The following ZBTB11 variants were observed in gnomAD, a reference collection of about 807,000 sequenced individuals.
ZBTB11 encodes zinc finger and BTB domain-containing protein 11.
ZBTB11 carries 68 observed loss-of-function variants against 113.1 expected under a neutral mutation model. That is an observed-to-expected ratio of 0.60 (90% CI 0.49 to 0.74). The LOEUF is 0.74. Among genes scored for constraint, ZBTB11 ranks in the 30% least tolerant of loss-of-function variants. The pLI is 0.00. For missense variants in ZBTB11, 1,104 were observed against 1,279.4 expected (o/e 0.86, Z 2.09); for synonymous variants, 518 against 452.6 (o/e 1.14, Z -1.83).
chr3:101,666,237 A>C (rs1411517627), intron 3 of ZBTB11, among the ~76,000 whole-genome samples: 1 of 152,246 alleles, frequency 6.6e-6, no homozygotes, highest in Admixed American at 6.5e-5. Flanking sequence ...ATAGTGGTAC[A>C]TATAAAAATG....
rs761931578 is a variant in ZBTB11, at chr3:101,676,624, G to A, written c.291C>T (p.Ser97=). ...HTRHQTWHYL[S]KTYWWRGILK... ...TCTCACCTCGCCACCAGTACGTCTT[G>A]GACAAGTAGTGCCAGGTCTGATGCC... is the stretch of plus-strand genomic sequence containing the variant. The change falls in exon 1 of 11, where the codon TCC becomes TCT. Residue 97 remains serine (S), a synonymous_variant. Coordinates refer to ENST00000312938, the MANE Select transcript of ZBTB11 (RefSeq NM_014415.4). The A allele has an allele frequency of 3.9e-6, 6 of 1,531,188 alleles. No individual in the cohort carries two copies. Among genetic ancestry groups the A allele is most frequent in the Non-Finnish European group, 5.3e-6 (6 of 1,137,470 alleles). 94.9% of individuals were successfully genotyped at this position (1,531,188 alleles called of 1,614,324 possible).
chr3:101,663,936 T>TACTCTTCCCTGTTTTGAGTACAGTAC (rs546943976), intron 5 of ZBTB11, among the ~76,000 whole-genome samples: 1 of 152,162 alleles, frequency 6.6e-6, no homozygotes, highest in Non-Finnish European at 1.5e-5. Context: ...AGTAAGCTTT[T>TACTCTTCCCTGTTTTGAGTACAGTAC]ACTCTTCCCT....
chr3:101,663,588 C>T (rs1936929287), intron 5 of ZBTB11, among the ~76,000 whole-genome samples: 1 of 151,986 alleles, frequency 6.6e-6, no homozygotes, highest in Non-Finnish European at 1.5e-5. Flanking sequence ...TATCCTGGGA[C>T]TTGAGTAAAG....
Position 101,676,687 on chromosome 3 carries a change from C to T in ZBTB11, c.228G>A (p.Glu76=). ...TGCCGCCGGGACCCAGGTGCGCCGC[C>T]TCGATGAGGTCCCGGCGTCGCTCCG... ...LQPERRRDLI[E]AAHLGPGGTH... The change falls in exon 1 of 11, where the codon GAG becomes GAA. Residue 76 remains glutamate, a synonymous_variant. Coordinates refer to ENST00000312938, the MANE Select transcript of ZBTB11 (RefSeq NM_014415.4). 1 of 1,598,536 alleles carries T rather than the reference C, an allele frequency of 6.3e-7. No homozygotes were observed. Among genetic ancestry groups the T allele is most frequent in the Non-Finnish European group, 8.5e-7 (1 of 1,171,918 alleles).
rs775368584 is a variant in ZBTB11, at chr3:101,671,089, G to A, written c.778+41C>T. On this transcript the variant is annotated intron_variant, in intron 3 of 10. Transcript: ENST00000312938. ...CATACATATCCCCCTCTTCTAGAAT[G>A]TCATTACAAACAAAAAGCAAGAGTA... 18 of 1,536,688 alleles carry A rather than the reference G, an allele frequency of 1.2e-5. No homozygotes were observed. In the East Asian group the frequency reaches 4.1e-4, roughly 35 times the overall value.
intron 10 of ZBTB11, 145 bp downstream of exon 10, chr3:101,652,351 C>T (rs1005127271): frequency 2.8e-6 from 2 of 723,570 alleles, no homozygotes; most frequent in Non-Finnish European, 2.2e-6. Context: ...TAATTAGGTA[C>T]TCAGGTTCAG....
At chr3:101,655,292 T>A (rs1292128121) in intron 7 of ZBTB11, among the ~76,000 whole-genome samples, 1 of 152,226 alleles carries the variant, frequency 6.6e-6, no homozygotes, top group Non-Finnish European at 1.5e-5. Context: ...AAAATCCCCA[T>A]TTCCTGTCAA....
At chr3:101,673,783 G>A (rs1274142613) in intron 1 of ZBTB11, among the ~76,000 whole-genome samples, 1 of 152,184 alleles carries the variant, frequency 6.6e-6, no homozygotes, top group Non-Finnish European at 1.5e-5. Context: ...CCAAAGTGCT[G>A]GGATGACGGG....
chr3:101,668,250 A>T (rs945613270), intron 3 of ZBTB11, among the ~76,000 whole-genome samples: 1 of 152,158 alleles, frequency 6.6e-6, no homozygotes, highest in Non-Finnish European at 1.5e-5. Context: ...ATAGATACAA[A>T]ATTACAGCTA....
At position 101,676,870 on chromosome 3, in the gene ZBTB11, C is replaced by T. The variant is rs751253858; in HGVS notation, c.45G>A (p.Thr15=). 9 of 1,606,926 alleles carry T rather than the reference C, an allele frequency of 5.6e-6. No homozygotes were observed. In the South Asian group the frequency reaches 8.8e-5, roughly 16 times the overall value. ...ESYRAILRYL[T]NEREPYAPGT... ...CCGGCGCATACGGCTCGCGCTCGTT[C>T]GTCAGGTAACGCAGGATGGCCCGGT... is the stretch of plus-strand genomic sequence containing the variant. The change falls in exon 1 of 11, where the codon ACG becomes ACA. Residue 15 remains threonine, a synonymous_variant. Coordinates refer to ENST00000312938, the MANE Select transcript of ZBTB11 (RefSeq NM_014415.4).
At position 101,664,667 on chromosome 3, in the gene ZBTB11, T is replaced by A; in HGVS notation, c.1671A>T (p.Lys557Asn). 1 of 1,611,136 alleles carries A rather than the reference T, an allele frequency of 6.2e-7. No homozygotes were observed. The change falls in exon 5 of 11, where the codon AAA becomes AAT. Residue 557 changes from lysine (K) to asparagine (N), a missense_variant. Lys to Asn is a moderately conservative substitution (Grantham distance 94, BLOSUM62 0). Around this residue, in one of 5 missense-constraint regions of ZBTB11, gnomAD observed 535 missense variants for 518.6 expected, o/e 1.03. Coordinates refer to ENST00000312938, the MANE Select transcript of ZBTB11 (RefSeq NM_014415.4). ...VQRGKKMKQP[K>N]RDAKENTEEA... ...CTTCTGTGTTCTCTTTAGCATCTCTTTTTGGCTGTTTCATCTTTTTTCCTC... is the reference window on the plus strand; with the variant it reads ...CTTCTGTGTTCTCTTTAGCATCTCTATTTGGCTGTTTCATCTTTTTTCCTC...
chr3:101,656,828 C>G (rs1304231099), intron 6 of ZBTB11, among the ~76,000 whole-genome samples: 1 of 152,062 alleles, frequency 6.6e-6, no homozygotes, highest in African/African-American at 2.4e-5. Context: ...AGAGGCCCAA[C>G]TAATACTTGG....
At chr3:101,658,794 G>C (rs916240781) in intron 6 of ZBTB11, among the ~76,000 whole-genome samples, 1 of 152,150 alleles carries the variant, frequency 6.6e-6, no homozygotes, top group African/African-American at 2.4e-5. Flanking sequence ...CCTGGGTATA[G>C]TGTATACTGC....
Position 101,660,032 on chromosome 3 carries a change from A to G in ZBTB11, c.1801-4T>C, listed in dbSNP as rs370020067. 9.3e-6 allele frequency: 15 copies of G among 1,605,626 alleles called. No individual in the cohort carries two copies. The highest frequency in any genetic ancestry group is 1.3e-5 in the Non-Finnish European group (15 of 1,174,248). On this transcript the variant is annotated splice_region_variant and splice_polypyrimidine_tract_variant and intron_variant, in intron 5 of 10. Coordinates refer to ENST00000312938, the MANE Select transcript of ZBTB11 (RefSeq NM_014415.4). ...ACTGAAACTGTTTTTTACACAACTA[A>G]AAGAAAAATAAAATTCTCTCTAAAT...
At chr3:101,672,727 C>G (rs1054895632) in intron 1 of ZBTB11, among the ~76,000 whole-genome samples, 108 of 152,278 alleles carry the variant, frequency 7.1e-4, no homozygotes, top group Non-Finnish European at 4.0e-4. Context: ...AAAACAAAAC[C>G]AAACAAATTA....
At chr3:101,670,857 T>C in intron 3 of ZBTB11, 1 of 363,214 alleles carries the variant, frequency 2.8e-6, no homozygotes, top group Non-Finnish European at 5.0e-6. Flanking sequence ...CACTTATGGA[T>C]TTCACTCAAA....
Position 101,652,614 on chromosome 3 carries a change from C to A in ZBTB11, c.2526G>T (p.Lys842Asn), listed in dbSNP as rs369485048. 3 of 1,614,016 alleles carry A rather than the reference C, an allele frequency of 1.9e-6. No homozygotes were observed. Among genetic ancestry groups the A allele is most frequent in the Non-Finnish European group, 2.5e-6 (3 of 1,180,014 alleles). The part of the protein sequence containing the change: ...YEKALFRRHV[K>N]KATHGKKGRA... ...TTCCTTTCTTCCCATGGGTAGCTTTCTTTACATGCCTTCTGAACAAAGCTT... is the reference window on the plus strand; with the variant it reads ...TTCCTTTCTTCCCATGGGTAGCTTTATTTACATGCCTTCTGAACAAAGCTT... Residue 842 changes from lysine to asparagine, a missense_variant, in exon 10 of 11, where the codon AAG becomes AAT. Physicochemically the swap from Lys to Asn is moderately conservative, Grantham distance 94. Coordinates refer to ENST00000312938, the MANE Select transcript of ZBTB11 (RefSeq NM_014415.4).
intron 1 of ZBTB11, among the ~76,000 whole-genome samples, chr3:101,674,766 C>A (rs915997614): frequency 1.4e-5 from 2 of 141,962 alleles, no homozygotes; most frequent in Admixed American, 1.4e-4. Context: ...TTTTAAGACA[C>A]TGCACACTAA....
Position 101,665,385 on chromosome 3 carries a change from C to CA in ZBTB11, c.1201dup (p.Cys401LeufsTer4). 1 of 1,614,204 alleles carries CA rather than the reference C, an allele frequency of 6.2e-7. No individual in the cohort carries two copies. The highest frequency in any genetic ancestry group is 8.5e-7 in the Non-Finnish European group (1 of 1,180,036). ...CATTTCAGGATGGGAATCAGCTATA[C>CA]ATCCTACTGATGACAGGGCAGATTC... On this transcript the variant is annotated frameshift_variant, in exon 4 of 11. Coordinates refer to ENST00000312938, the MANE Select transcript of ZBTB11 (RefSeq NM_014415.4). LOFTEE classifies it high-confidence loss of function.
Sources: gnomAD v4.1 joint callset for allele counts (sites outside exome capture counted in the v4.1 genomes callset) on GRCh38, gnomAD v4.1.1 for gene constraint, gnomAD v4.1.1 regional missense constraint, MANE v1.5 for transcripts, NCBI Gene and HGNC (gene_info 2026-07-23, HGNC 2026-07-21) for gene names.